PPP4R2: variants seen among roughly 807,000 people sequenced by gnomAD.
PPP4R2 encodes protein phosphatase 4 regulatory subunit 2.
Under a neutral mutation model 47.2 loss-of-function variants are expected in PPP4R2, and 13 were observed. That is an observed-to-expected ratio of 0.28 (90% CI 0.18 to 0.44). The LOEUF is 0.44. Among genes scored for constraint, PPP4R2 ranks in the 20% least tolerant of loss-of-function variants. The pLI is 1.00. For missense variants in PPP4R2, 421 were observed against 491.2 expected (o/e 0.86, Z 1.35); for synonymous variants, 151 against 163.3 (o/e 0.92, Z 0.57).
chr3:73,064,475 G>A (rs1389530487), intron 7 of PPP4R2, among the ~76,000 whole-genome samples: 2 of 152,076 alleles, frequency 1.3e-5, no homozygotes, highest in Non-Finnish European at 2.9e-5. Flanking sequence ...GTTTCTCATT[G>A]TAGTTCATAA....
chr3:73,055,348 GACAAGACCC>G (rs1370602352), intron 3 of PPP4R2, among the ~76,000 whole-genome samples: 3 of 151,728 alleles, frequency 2.0e-5, no homozygotes, highest in South Asian at 2.1e-4. Flanking sequence ...CTTGTTTTCA[GACAAGACCC>G]ATGAGACCCA....
chr3:73,036,705 G>T (rs780689741), intron 2 of PPP4R2, among the ~76,000 whole-genome samples: 4 of 152,128 alleles, frequency 2.6e-5, no homozygotes, highest in Admixed American at 2.0e-4. Flanking sequence ...TTTTTTGAAA[G>T]TATGAGATAC....
At chr3:72,997,106 C>T in intron 1 of PPP4R2, 35 bp downstream of exon 1, 1 of 1,329,346 alleles carries the variant, frequency 7.5e-7, no homozygotes, top group Non-Finnish European at 9.8e-7. Flanking sequence ...TTCCCCCTCA[C>T]CTTCTCCGGC....
intron 5 of PPP4R2, chr3:73,062,749 C>T (rs186870577): frequency 2.5e-6 from 4 of 1,613,880 alleles, no homozygotes; most frequent in Non-Finnish European, 3.4e-6. Flanking sequence ...GGAAGACTTT[C>T]ACATGGTGAG....
intron 2 of PPP4R2, among the ~76,000 whole-genome samples, chr3:73,033,866 G>A (rs955960644): frequency 1.3e-5 from 2 of 152,200 alleles, no homozygotes; most frequent in Non-Finnish European, 2.9e-5. Flanking sequence ...TAACACTGCC[G>A]TGAATGTTGG....
chr3:73,056,023 C>T (rs1021442949), intron 3 of PPP4R2, among the ~76,000 whole-genome samples: 8 of 152,186 alleles, frequency 5.3e-5, no homozygotes, highest in Non-Finnish European at 1.0e-4. Context: ...GTGTGTTTAA[C>T]GCTCCTCTCC....
chr3:73,022,381 G>A (rs1701978199), intron 2 of PPP4R2, among the ~76,000 whole-genome samples: 1 of 152,052 alleles, frequency 6.6e-6, no homozygotes, highest in Non-Finnish European at 1.5e-5. Flanking sequence ...GAGGTATATA[G>A]AAGGTCAACA....
intron 3 of PPP4R2, among the ~76,000 whole-genome samples, chr3:73,057,613 T>A (rs897089279): frequency 6.6e-6 from 1 of 152,184 alleles, no homozygotes; most frequent in South Asian, 2.1e-4. Flanking sequence ...CTAAAAACAT[T>A]TGTTCTCATA....
At chr3:73,060,469 T>C (rs911651194) in intron 4 of PPP4R2, among the ~76,000 whole-genome samples, 3 of 152,160 alleles carry the variant, frequency 2.0e-5, no homozygotes, top group Non-Finnish European at 4.4e-5. Flanking sequence ...TGGTTAATAA[T>C]AGGGCTGGGA....
chr3:73,032,626 C>T (rs754269065), intron 2 of PPP4R2, among the ~76,000 whole-genome samples: 9 of 152,126 alleles, frequency 5.9e-5, no homozygotes, highest in Non-Finnish European at 1.2e-4. Context: ...TTACTAGTTA[C>T]TTTTTCTCTT....
At chr3:73,028,488 C>T (rs1022638862) in intron 2 of PPP4R2, among the ~76,000 whole-genome samples, 7 of 152,052 alleles carry the variant, frequency 4.6e-5, no homozygotes, top group African/African-American at 1.7e-4. Flanking sequence ...GATGGAGTCT[C>T]GCTCTTCCAC....
chr3:73,069,039 CTAA>C lies in PPP4R2; in HGVS notation c.*3321_*3323del, dbSNP rs1657259531. On this transcript the variant is annotated 3_prime_UTR_variant, in exon 9 of 9. Transcript: ENST00000356692. ...AAAATTAGGTTTGCTGGGTTTTGGCCTAATAAGAGTGCTAGTATGTATTGGTTA... is the reference window on the plus strand; with the variant it reads ...AAAATTAGGTTTGCTGGGTTTTGGCCTAAGAGTGCTAGTATGTATTGGTTA... 6.6e-6 allele frequency: 1 copy of C among 152,044 alleles called. No homozygotes were observed. The highest frequency in any genetic ancestry group is 1.5e-5 in the Non-Finnish European group (1 of 68,026). The allele number at this position is 152,044 out of a possible 1,614,324, so 9.4% of individuals were successfully genotyped here. A position where few individuals can be genotyped will look rare whatever the true frequency, so the allele number is the denominator to read the frequency against.
chr3:73,023,447 A>G (rs1027687991), intron 2 of PPP4R2, among the ~76,000 whole-genome samples: 6 of 152,142 alleles, frequency 3.9e-5, no homozygotes, highest in African/African-American at 1.2e-4. Context: ...TGGCCTCACA[A>G]AGTGCTGGGA....
In PPP4R2 at chr3:73,023,747, T is replaced by C. The variant is rs911064005; in HGVS notation, c.117-23439T>C. Among the ~76,000 whole-genome samples, 38 of 152,254 alleles carry C rather than the reference T, an allele frequency of 2.5e-4. 1 individual carries two copies. Among genetic ancestry groups the C allele is most frequent in the African/African-American group, 8.9e-4 (37 of 41,572 alleles). The stretch of plus-strand genomic sequence containing the variant: ...TATGTGCATTCAGTAAAATAAAAAA[T>C]GGAAGTGGACCATTTAGTAAGTTGC... On this transcript the variant is annotated intron_variant, in intron 2 of 8. Coordinates refer to ENST00000356692, the MANE Select transcript of PPP4R2 (RefSeq NM_174907.4).
At chr3:73,065,201 A>G (rs1047081076) in intron 8 of PPP4R2, 60 bp downstream of exon 8, 115 of 1,479,124 alleles carry the variant, frequency 7.8e-5, no homozygotes, top group Non-Finnish European at 9.1e-5. Flanking sequence ...CTTGTACTTC[A>G]TTTTTTTCGT....
chr3:73,046,981 T>C (rs148899249), intron 2 of PPP4R2, among the ~76,000 whole-genome samples: 1 of 152,164 alleles, frequency 6.6e-6, no homozygotes, highest in East Asian at 1.9e-4. Flanking sequence ...GGGTTTTGTT[T>C]GGGTTGGGAG....
intron 2 of PPP4R2, among the ~76,000 whole-genome samples, chr3:73,001,798 A>T (rs6790516): frequency 0.52 from 78,936 of 151,186 alleles, 20,836 homozygotes; most frequent in African/African-American, 0.6. Flanking sequence ...ACAACTAATT[A>T]TTGTGTTTTT....
At chr3:73,034,606 C>T (rs1233119799) in intron 2 of PPP4R2, among the ~76,000 whole-genome samples, 3 of 152,146 alleles carry the variant, frequency 2.0e-5, no homozygotes, top group Non-Finnish European at 4.4e-5. Flanking sequence ...AGTCATAGCT[C>T]ACTGCAGCCT....
chr3:73,063,826 A>T, intron 6 of PPP4R2, 79 bp downstream of exon 6: 1 of 1,196,718 alleles, frequency 8.4e-7, no homozygotes, highest in Non-Finnish European at 1.2e-6. Flanking sequence ...ACTTTTTAAA[A>T]ATTGGGCATT....
Sources: gnomAD v4.1 joint callset for allele counts (sites outside exome capture counted in the v4.1 genomes callset) on GRCh38, gnomAD v4.1.1 for gene constraint, MANE v1.5 for transcripts, NCBI Gene and HGNC (gene_info 2026-07-23, HGNC 2026-07-21) for gene names.